The following RABGAP1L variants were observed in gnomAD, a reference collection of about 807,000 sequenced individuals.
The protein encoded by RABGAP1L is rab GTPase-activating protein 1-like.
RABGAP1L carries 63 observed loss-of-function variants against 137.7 expected under a neutral mutation model. The ratio of observed to expected loss-of-function variants is 0.46; its 90% CI spans 0.37 to 0.56. The LOEUF is 0.56. RABGAP1L is among the 20% of genes least tolerant of loss of function. The pLI is 0.00. For synonymous variants in RABGAP1L, 431 were observed against 433.7 expected (o/e 0.99, Z 0.08); for missense variants, 1,095 against 1,244.0 (o/e 0.88, Z 1.80).
At chr1:174,237,434 C>G (rs1395968836) in intron 4 of RABGAP1L, among the ~76,000 whole-genome samples, 8 of 72,554 alleles carry the variant, frequency 1.1e-4, no homozygotes, top group Non-Finnish European at 2.7e-5. Context: ...ATGTTTAGCG[C>G]TTCCTTCAGG....
At chr1:174,241,701 G>A (rs1671843219) in intron 5 of RABGAP1L, 44 bp downstream of exon 5, 4 of 1,443,500 alleles carry the variant, frequency 2.8e-6, no homozygotes, top group East Asian at 2.3e-5. Context: ...AGATGAATTA[G>A]GGTAATATTT....
At chr1:174,475,265 G>T (rs375277832) in intron 13 of RABGAP1L, among the ~76,000 whole-genome samples, 155 of 152,188 alleles carry the variant, frequency 1.0e-3, no homozygotes, top group African/African-American at 3.4e-3. Context: ...AGCACACTTG[G>T]TGTAGCAGGC....
intron 1 of RABGAP1L, among the ~76,000 whole-genome samples, chr1:174,192,054 C>T (rs1455565587): frequency 6.6e-6 from 1 of 151,890 alleles, no homozygotes; most frequent in East Asian, 1.9e-4. Context: ...ACTGAATGGT[C>T]TAAAAATTTC....
intron 7 of RABGAP1L, among the ~76,000 whole-genome samples, chr1:174,255,122 C>G (rs866290294): frequency 6.6e-6 from 1 of 151,850 alleles, no homozygotes; most frequent in Non-Finnish European, 1.5e-5. Context: ...GTTTGTTGGC[C>G]GCATAAATGT....
intron 13 of RABGAP1L, among the ~76,000 whole-genome samples, chr1:174,525,318 C>T (rs1474026081): frequency 1.3e-5 from 2 of 151,916 alleles, no homozygotes; most frequent in African/African-American, 2.4e-5. Context: ...CAATATTTTC[C>T]ATCAGTGTTT....
intron 14 of RABGAP1L, among the ~76,000 whole-genome samples, chr1:174,650,443 A>C (rs369489169): frequency 6.6e-6 from 1 of 152,138 alleles, no homozygotes; most frequent in Admixed American, 6.5e-5. Flanking sequence ...GGTAGAATTC[A>C]GCTGTGAATC....
At chr1:174,208,898 A>G (rs1457085686) in intron 1 of RABGAP1L, among the ~76,000 whole-genome samples, 1 of 152,174 alleles carries the variant, frequency 6.6e-6, no homozygotes, top group African/African-American at 2.4e-5. Context: ...CTTTAAAAAT[A>G]TAGGGCTATT....
chr1:174,599,846 G>T (rs1013871210), intron 13 of RABGAP1L, among the ~76,000 whole-genome samples: 6 of 152,014 alleles, frequency 3.9e-5, no homozygotes, highest in Admixed American at 3.3e-4. Flanking sequence ...TAACCTTCTT[G>T]TACTTGAATA....
chr1:174,449,316 T>A, intron 13 of RABGAP1L: 2 of 853,968 alleles, frequency 2.3e-6, no homozygotes, highest in Non-Finnish European at 3.7e-6. Context: ...TAAAATGAAG[T>A]ATGAGACTAA....
chr1:174,813,845 T>C (rs1319464538), intron 19 of RABGAP1L, among the ~76,000 whole-genome samples: 1 of 152,230 alleles, frequency 6.6e-6, no homozygotes, highest in East Asian at 1.9e-4. Flanking sequence ...GTTTCGGAGA[T>C]GCCAGAGAGA....
chr1:174,891,208 A>G (rs951707586), intron 19 of RABGAP1L, among the ~76,000 whole-genome samples: 2 of 152,216 alleles, frequency 1.3e-5, no homozygotes, highest in African/African-American at 4.8e-5. Context: ...GGCAGAAGGA[A>G]TAGCACTTTG....
At chr1:174,393,379 G>C (rs1025062175) in intron 12 of RABGAP1L, among the ~76,000 whole-genome samples, 1 of 152,154 alleles carries the variant, frequency 6.6e-6, no homozygotes, top group Non-Finnish European at 1.5e-5. Flanking sequence ...CTTGAACAAA[G>C]AATTCCAAGT....
chr1:174,738,896 A>ATT (rs1465260180), intron 17 of RABGAP1L, among the ~76,000 whole-genome samples: 1 of 152,118 alleles, frequency 6.6e-6, no homozygotes, highest in Non-Finnish European at 1.5e-5. Context: ...TGTTGCTACA[A>ATT]TTTTCTTTGC....
chr1:174,772,718 C>T (rs1480451475), intron 18 of RABGAP1L, among the ~76,000 whole-genome samples: 1 of 152,024 alleles, frequency 6.6e-6, no homozygotes, highest in Non-Finnish European at 1.5e-5. Flanking sequence ...AACTCTTGCA[C>T]CTGTTAAATA....
At chr1:174,420,681 T>TG (rs1041217048) in intron 13 of RABGAP1L, among the ~76,000 whole-genome samples, 11 of 150,410 alleles carry the variant, frequency 7.3e-5, no homozygotes, top group Middle Eastern at 3.2e-3. Context: ...TGTTTTGTTT[T>TG]TTTTTTTTTT....
intron 11 of RABGAP1L, among the ~76,000 whole-genome samples, chr1:174,339,511 A>G (rs1374907192): frequency 1.3e-5 from 2 of 152,254 alleles, no homozygotes; most frequent in Non-Finnish European, 2.9e-5. Context: ...AATAAAGTAC[A>G]TCTTAAAATC....
intron 13 of RABGAP1L, among the ~76,000 whole-genome samples, chr1:174,599,199 C>T (rs186032318): frequency 2.0e-5 from 3 of 152,284 alleles, no homozygotes; most frequent in East Asian, 3.9e-4. Context: ...TAAAACCAAA[C>T]GAAAAAGCAG....
At chr1:174,162,775 C>CTTTTTTT in intron 1 of RABGAP1L, among the ~76,000 whole-genome samples, 1 of 23,440 alleles carries the variant, frequency 4.3e-5, no homozygotes, top group Non-Finnish European at 8.1e-5. Flanking sequence ...TTTTCTCTTT[C>CTTTTTTT]TGTTTTTTTT....
At chr1:174,362,866 C>T (rs1482623396) in intron 11 of RABGAP1L, among the ~76,000 whole-genome samples, 6 of 151,914 alleles carry the variant, frequency 3.9e-5, no homozygotes, top group Admixed American at 6.6e-5. Flanking sequence ...ATATTTGTGC[C>T]GATGTCTCGA....
Sources: allele counts gnomAD v4.1 joint callset (sites outside exome capture counted in the v4.1 genomes callset), GRCh38; gene constraint gnomAD v4.1.1; transcripts MANE v1.5; gene names NCBI Gene and HGNC (gene_info 2026-07-23, HGNC 2026-07-21).